The following PCDH15 variants were observed in gnomAD, a reference collection of about 807,000 sequenced individuals.
The protein encoded by PCDH15 is protocadherin related 15.
A neutral mutation model predicts 178.5 loss-of-function variants in PCDH15; 129 were observed. The observed-to-expected ratio is 0.72, with a 90% CI of 0.63 to 0.84. PCDH15 has a LOEUF of 0.84. PCDH15 is among the 40% of genes least tolerant of loss of function. PCDH15 has a pLI of 0.00. For synonymous variants in PCDH15, 800 were observed against 732.0 expected (o/e 1.09, Z -1.50); for missense variants, 2,230 against 2,099.9 (o/e 1.06, Z -1.21).
chr10:55,279,309 G>T (rs1451387298), intron 1 of PCDH15, among the ~76,000 whole-genome samples: 1 of 152,152 alleles, frequency 6.6e-6, no homozygotes. Context: ...GATGTGCGTG[G>T]AAATTACACA....
In PCDH15 at chr10:54,677,701, G is replaced by A. The variant is rs149688449; in HGVS notation, c.-28-13411C>T. Among the ~76,000 whole-genome samples the A allele has an allele frequency of 1.2e-4, 18 of 152,150 alleles. No homozygotes were observed. The East Asian group carries it at 3.5e-3, about 29-fold the overall frequency. ...TTTTTTCCATCTTCCAATTTTTTAG[G>A]TAACATTGAGTGTCTGGATTTTCAT... On this transcript the variant is annotated intron_variant, in intron 1 of 37. Coordinates refer to ENST00000644397, the MANE Select transcript of PCDH15 (RefSeq NM_001384140.1).
At chr10:54,215,816 C>G (rs7092448) in intron 9 of PCDH15, among the ~76,000 whole-genome samples, 1 of 151,234 alleles carries the variant, frequency 6.6e-6, no homozygotes, top group Non-Finnish European at 1.5e-5. Context: ...CCGAGACGGG[C>G]GGATCACGAG....
rs144757034 is a variant in PCDH15 at position 54,074,479 on chromosome 10, A to G, written c.2091+4852T>C. On this transcript the variant is annotated intron_variant, in intron 17 of 37. Transcript: ENST00000644397. ...TTGTGACTGGCTAATCTCACTTAGC[A>G]TAATGTTCTCAAGATTTATCTGTGA... Among the ~76,000 whole-genome samples the G allele has an allele frequency of 9.1e-3, 1,382 of 152,328 alleles. 16 individuals carry two copies. The highest frequency in any genetic ancestry group is 0.032 in the African/African-American group (1,315 of 41,576).
intron 2 of PCDH15, among the ~76,000 whole-genome samples, chr10:55,034,006 A>C (rs546391885): frequency 1.3e-5 from 2 of 151,842 alleles, no homozygotes; most frequent in South Asian, 4.2e-4. Flanking sequence ...CTCCTAGTGG[A>C]TGTGGCCTTA....
At chr10:54,773,427 A>G (rs2133293929) in intron 1 of PCDH15, among the ~76,000 whole-genome samples, 1 of 152,342 alleles carries the variant, frequency 6.6e-6, no homozygotes, top group Non-Finnish European at 1.5e-5. Context: ...TAAATTCTCT[A>G]CCTTCACAAA....
intron 8 of PCDH15, among the ~76,000 whole-genome samples, chr10:54,271,774 C>CA (rs2058061919): frequency 1.3e-5 from 2 of 151,910 alleles, no homozygotes; most frequent in African/African-American, 4.8e-5. Context: ...TTTGTGTTCC[C>CA]AAAACCTAAC....
rs1194965974 is a variant in PCDH15, at chr10:54,853,318, T to TATATATATATAC, written c.-29+44131_-29+44132insGTATATATATAT. On this transcript the variant is annotated intron_variant, in intron 3 of 5. Coordinates refer to the PCDH15 transcript ENST00000458638. ...ATATATATATATATATATATATATA[T>TATATATATATAC]ACATACACACACATATACATATATA... Among the ~76,000 whole-genome samples, 292 of 101,924 alleles carry TATATATATATAC rather than the reference T, an allele frequency of 2.9e-3. 2 individuals are homozygous for TATATATATATAC. Among genetic ancestry groups the TATATATATATAC allele is most frequent in the Non-Finnish European group, 4.0e-3 (220 of 54,436 alleles). The allele number at this position is 101,924 out of a possible 152,430, so 66.9% of individuals were successfully genotyped here.
intron 3 of PCDH15, among the ~76,000 whole-genome samples, chr10:54,393,356 A>T (rs1950788922): frequency 6.6e-6 from 1 of 152,184 alleles, no homozygotes; most frequent in Non-Finnish European, 1.5e-5. Flanking sequence ...TTTTTGGTAA[A>T]ATACAGATCT....
chr10:54,426,056 G>A lies in PCDH15; in HGVS notation c.158-47114C>T, dbSNP rs1329962355. Reference sequence around the variant, plus strand: ...TAGAAACCATGCAGCTTTAGAACTAGACATAAAACAAACAGCTATCTAATG... The same window carrying A: ...TAGAAACCATGCAGCTTTAGAACTAAACATAAAACAAACAGCTATCTAATG... On this transcript the variant is annotated intron_variant, in intron 3 of 37. Coordinates refer to ENST00000644397, the MANE Select transcript of PCDH15 (RefSeq NM_001384140.1). Among the ~76,000 whole-genome samples the A allele has an allele frequency of 5.3e-5, 8 of 152,080 alleles. No homozygotes were observed. The South Asian group carries it at 1.4e-3, about 28-fold the overall frequency.
chr10:55,446,408 T>A (rs1198432559), intron 2 of PCDH15, among the ~76,000 whole-genome samples: 1 of 151,846 alleles, frequency 6.6e-6, no homozygotes, highest in East Asian at 1.9e-4. Context: ...GAATGAGGGT[T>A]CTAGAGAAAT....
intron 8 of PCDH15, among the ~76,000 whole-genome samples, chr10:54,315,316 A>G (rs961213792): frequency 6.6e-6 from 1 of 151,968 alleles, no homozygotes; most frequent in Non-Finnish European, 1.5e-5. Context: ...TCATTTTTTT[A>G]TTGGCCACAT....
At chr10:54,332,025 CA>C (rs1591836449) in intron 6 of PCDH15, among the ~76,000 whole-genome samples, 1 of 151,046 alleles carries the variant, frequency 6.6e-6, no homozygotes, top group Non-Finnish European at 1.5e-5. Flanking sequence ...AGAACTTCAG[CA>C]GCCATTTGGG....
intron 2 of PCDH15, among the ~76,000 whole-genome samples, chr10:54,922,086 C>G (rs1486363658): frequency 6.6e-6 from 1 of 152,182 alleles, no homozygotes; most frequent in East Asian, 1.9e-4. Context: ...TACAATTCAA[C>G]ATGAGATTTG....
chr10:55,112,346 A>T (rs1234778036), intron 2 of PCDH15, among the ~76,000 whole-genome samples: 2 of 152,180 alleles, frequency 1.3e-5, no homozygotes, highest in Non-Finnish European at 2.9e-5. Flanking sequence ...CGATGAGAAG[A>T]TAAAGGCAGT....
chr10:55,444,302 CAA>C (rs1181227863), intron 2 of PCDH15, among the ~76,000 whole-genome samples: 1 of 146,740 alleles, frequency 6.8e-6, no homozygotes, highest in African/African-American at 2.5e-5. Flanking sequence ...AAAAAGAAAA[CAA>C]GAGTGCTAGT....
chr10:54,062,775 A>G (rs945266779), intron 18 of PCDH15, among the ~76,000 whole-genome samples: 1 of 13,050 alleles, frequency 7.7e-5, no homozygotes, highest in South Asian at 1.2e-3. Context: ...AAAAGCGGGA[A>G]AAAAAAAATA....
In PCDH15 at chr10:55,593,836, T is replaced by C. The variant is rs568107067; in HGVS notation, c.-156+33789A>G. ...GGATCTAATTACCATTAGATCCACC[T>C]CATATAATGGAATTAGGACAACCCA... is the stretch of plus-strand genomic sequence containing the variant. On this transcript the variant is annotated intron_variant, in intron 2 of 5. Transcript: ENST00000613346. Among the ~76,000 whole-genome samples the C allele has an allele frequency of 5.9e-5, 9 of 151,950 alleles. No homozygotes were observed. In the South Asian group the frequency reaches 1.5e-3, roughly 25 times the overall value.
chr10:54,736,562 A>G (rs965800892), intron 1 of PCDH15, among the ~76,000 whole-genome samples: 1 of 152,036 alleles, frequency 6.6e-6, no homozygotes, highest in East Asian at 1.9e-4. Flanking sequence ...TCATGTTTCT[A>G]ACAAAAACTC....
At chr10:54,198,283 GT>G in intron 10 of PCDH15, among the ~76,000 whole-genome samples, 1 of 152,080 alleles carries the variant, frequency 6.6e-6, no homozygotes, top group East Asian at 1.9e-4. Context: ...AGGGCAAGAG[GT>G]AGAGTCTACG....
Sources: gnomAD v4.1 joint callset for allele counts (sites outside exome capture counted in the v4.1 genomes callset) on GRCh38, gnomAD v4.1.1 for gene constraint, MANE v1.5 for transcripts, NCBI Gene and HGNC (gene_info 2026-07-23, HGNC 2026-07-21) for gene names.